The following LRCH1 variants were observed in gnomAD, a reference collection of about 807,000 sequenced individuals.
LRCH1 encodes leucine-rich repeat and calponin homology domain-containing protein 1.
In LRCH1, 23 loss-of-function variants were observed where a neutral mutation model predicts 94.9. That is an observed-to-expected ratio of 0.24 (90% confidence interval 0.17 to 0.34). The LOEUF (loss-of-function observed/expected upper bound fraction) is 0.34. Ranked by LOEUF, LRCH1 falls within the 10% of genes least tolerant of loss-of-function variation. LRCH1 has a pLI of 1.00. For missense variants in LRCH1, 790 were observed against 945.9 expected (o/e 0.84, Z 2.16); for synonymous variants, 364 against 354.9 (o/e 1.03, Z -0.29).
rs75329919 is a variant in LRCH1, at chr13:46,587,586, C to T, written c.307+33883C>T. ...ATTTCAGTTGTCCTGAATTGATGAA[C>T]GAGTCTCTTTTTAGTAAATGCTTCT... On this transcript the variant is annotated intron_variant, in intron 1 of 19. Coordinates refer to ENST00000389797, the MANE Select transcript of LRCH1 (RefSeq NM_001164211.2). Among the ~76,000 whole-genome samples the T allele has an allele frequency of 1.1e-4, 16 of 152,280 alleles. 1 individual carries two copies. The East Asian group carries it at 2.7e-3, about 26-fold the overall frequency.
intron 1 of LRCH1, among the ~76,000 whole-genome samples, chr13:46,597,760 T>C (rs555641163): frequency 2.0e-5 from 3 of 152,332 alleles, no homozygotes; most frequent in East Asian, 1.9e-4. Flanking sequence ...TGCTGTTGGC[T>C]GTGAGTTTAG....
At chr13:46,714,778 A>T (rs533115693) in intron 15 of LRCH1, among the ~76,000 whole-genome samples, 19 of 152,348 alleles carry the variant, frequency 1.2e-4, no homozygotes, top group African/African-American at 4.6e-4. Context: ...ATTTAGTGCA[A>T]AAATAAGAGT....
At chr13:46,606,927 C>G (rs1368318262) in intron 1 of LRCH1, among the ~76,000 whole-genome samples, 1 of 152,144 alleles carries the variant, frequency 6.6e-6, no homozygotes, top group Non-Finnish European at 1.5e-5. Flanking sequence ...CCATGCCACA[C>G]AGGGCCAGGA....
At chr13:46,702,667 TG>T (rs1871543647) in intron 11 of LRCH1, among the ~76,000 whole-genome samples, 1 of 152,178 alleles carries the variant, frequency 6.6e-6, no homozygotes. Context: ...GGACCTTTAA[TG>T]ACTGCCAATT....
intron 1 of LRCH1, among the ~76,000 whole-genome samples, chr13:46,613,253 G>T (rs764063921): frequency 6.6e-6 from 1 of 152,066 alleles, no homozygotes; most frequent in African/African-American, 2.4e-5. Context: ...AGCCGAGCGT[G>T]GTGGCACGTG....
intron 2 of LRCH1, among the ~76,000 whole-genome samples, chr13:46,663,168 C>T (rs938192951): frequency 2.0e-5 from 3 of 151,950 alleles, no homozygotes; most frequent in African/African-American, 7.3e-5. Context: ...AATTAAGCAC[C>T]TATAATATAA....
intron 1 of LRCH1, among the ~76,000 whole-genome samples, chr13:46,560,500 G>A (rs1393800621): frequency 1.3e-5 from 2 of 152,072 alleles, no homozygotes; most frequent in Non-Finnish European, 2.9e-5. Flanking sequence ...AGATAATTTG[G>A]TGTTAATTGC....
chr13:46,555,743 C>T (rs998807393), intron 1 of LRCH1, among the ~76,000 whole-genome samples: 2 of 152,008 alleles, frequency 1.3e-5, no homozygotes, highest in African/African-American at 4.8e-5. Flanking sequence ...TTAAGTCAAC[C>T]CCATCAGAAA....
Position 46,750,470 on chromosome 13 carries a change from C to T in LRCH1, c.1981-70C>T, listed in dbSNP as rs562942111. Reference sequence around the variant, plus strand: ...TTCAACCTAACTTTGATGTCATCAACGATGTAGCAGGATTTTACAATGAGA... The same window carrying T: ...TTCAACCTAACTTTGATGTCATCAATGATGTAGCAGGATTTTACAATGAGA... On this transcript the variant is annotated intron_variant, in intron 18 of 18. Coordinates refer to the LRCH1 transcript ENST00000311191. 170 of 1,104,238 alleles carry T rather than the reference C, an allele frequency of 1.5e-4. No homozygotes were observed. In the African/African-American group the frequency reaches 1.7e-3, roughly 11 times the overall value. 68.4% of individuals were successfully genotyped at this position (1,104,238 alleles called of 1,614,324 possible). A position where few individuals can be genotyped will look rare whatever the true frequency, so the allele number is the denominator to read the frequency against.
At chr13:46,711,904 CTTTTA>C in intron 14 of LRCH1, 60 bp downstream of exon 14, 1 of 1,242,214 alleles carries the variant, frequency 8.1e-7, no homozygotes, top group Non-Finnish European at 1.2e-6. Context: ...ATTGGAATAT[CTTTTA>C]CAGAAATATA....
At chr13:46,750,236 TCTGA>T (rs1161573209) in intron 18 of LRCH1, among the ~76,000 whole-genome samples, 12 of 152,250 alleles carry the variant, frequency 7.9e-5, no homozygotes, top group South Asian at 2.1e-4. Flanking sequence ...GTGTATGCTC[TCTGA>T]CTGACTCTGT....
intron 1 of LRCH1, among the ~76,000 whole-genome samples, chr13:46,623,693 G>GT (rs5803361): frequency 0.1 from 13,412 of 128,444 alleles, 1,506 homozygotes; most frequent in African/African-American, 0.28. Flanking sequence ...CCCTGTCTCT[G>GT]TTTTTTTTTT....
intron 1 of LRCH1, among the ~76,000 whole-genome samples, chr13:46,617,836 T>C (rs1309492618): frequency 1.3e-5 from 2 of 152,206 alleles, no homozygotes; most frequent in Admixed American, 1.3e-4. Flanking sequence ...TTCTTTATAA[T>C]GTGGTGCCAT....
chr13:46,689,824 T>G (rs115028121), intron 7 of LRCH1, among the ~76,000 whole-genome samples: 376 of 152,292 alleles, frequency 2.5e-3, no homozygotes, highest in African/African-American at 8.8e-3. Flanking sequence ...CTTTGATAAC[T>G]GATTTATTAT....
chr13:46,573,944 C>G lies in LRCH1; in HGVS notation c.307+20241C>G, dbSNP rs1433340032. ...GTGGCATGATCTCAGCTCACTGCAA[C>G]CTCCACCTGCCTCGTTCAAGCCTCC... On this transcript the variant is annotated intron_variant, in intron 1 of 19. Coordinates refer to ENST00000389797, the MANE Select transcript of LRCH1 (RefSeq NM_001164211.2). Among the ~76,000 whole-genome samples, 4 of 146,276 alleles carry G rather than the reference C, an allele frequency of 2.7e-5. No homozygotes were observed. In the South Asian group the frequency reaches 8.8e-4, roughly 32 times the overall value.
At position 46,677,527 on chromosome 13, in the gene LRCH1, C is replaced by T. The variant is rs1007702096; in HGVS notation, c.580-4214C>T. Among the ~76,000 whole-genome samples, 111 of 152,222 alleles carry T rather than the reference C, an allele frequency of 7.3e-4. 1 individual carries two copies. The highest frequency in any genetic ancestry group is 2.5e-3 in the African/African-American group (104 of 41,542). ...TTTAATAATCCCTGAATTTATTCTC[C>T]GAATTTAAATCCTTGTTATTTTTGC... On this transcript the variant is annotated intron_variant, in intron 3 of 19. Transcript: ENST00000389797.
Position 46,741,679 on chromosome 13 carries a change from A to T in LRCH1, c.2123A>T (p.Asp708Val), listed in dbSNP as rs1381037001. ...TCTCCGTGTGACATCCTGCAGTTGG[A>T]TTTTCGTCACATTCGAAAGACTGTT... ...LCSPCDILQL[D>V]FRHIRKTVDT... is the part of the protein sequence containing the mutation. Residue 708 changes from aspartate (D) to valine (V), a missense_variant, in exon 20 of 20, where the codon GAT becomes GTT. Asp to Val is a radical substitution (Grantham distance 152). Coordinates refer to ENST00000389797, the MANE Select transcript of LRCH1 (RefSeq NM_001164211.2). 6.2e-7 allele frequency: 1 copy of T among 1,613,926 alleles called. No individual in the cohort carries two copies. The highest frequency in any genetic ancestry group is 2.2e-5 in the East Asian group (1 of 44,892).
intron 2 of LRCH1, among the ~76,000 whole-genome samples, chr13:46,652,395 GT>G (rs57803401): frequency 1.6e-4 from 23 of 146,624 alleles, no homozygotes; most frequent in Non-Finnish European, 2.7e-4. Context: ...TGTTTTTTTT[GT>G]TTTTTTTTTT....
At chr13:46,562,986 C>G (rs1404142516) in intron 1 of LRCH1, among the ~76,000 whole-genome samples, 1 of 152,072 alleles carries the variant, frequency 6.6e-6, no homozygotes, top group African/African-American at 2.4e-5. Flanking sequence ...TTGGTGGGTC[C>G]CTAGAGTCAC....
Sources: gnomAD v4.1 joint callset for allele counts (sites outside exome capture counted in the v4.1 genomes callset) on GRCh38, gnomAD v4.1.1 for gene constraint, MANE v1.5 for transcripts, NCBI Gene and HGNC (gene_info 2026-07-23, HGNC 2026-07-21) for gene names.